The following ZFYVE9 variants were observed in gnomAD, a reference collection of about 807,000 sequenced individuals.
The protein encoded by ZFYVE9 is zinc finger FYVE domain-containing protein 9.
In ZFYVE9, 43 loss-of-function variants were observed where a neutral mutation model predicts 126.7. That is an observed-to-expected ratio of 0.34 (90% CI 0.27 to 0.44). The LOEUF (loss-of-function observed/expected upper bound fraction) is 0.44. Ranked by LOEUF, ZFYVE9 falls within the 20% of genes least tolerant of loss-of-function variation. The pLI is 1.00. For synonymous variants in ZFYVE9, 521 were observed against 597.4 expected (o/e 0.87, Z 1.87); for missense variants, 1,476 against 1,697.0 (o/e 0.87, Z 2.29).
chr1:52,254,954 T>C (rs1645489602), intron 4 of ZFYVE9, among the ~76,000 whole-genome samples: 1 of 151,854 alleles, frequency 6.6e-6, no homozygotes, highest in Non-Finnish European at 1.5e-5. Context: ...TAGCTGGATA[T>C]GGTAGGGCAT....
chr1:52,311,784 T>A (rs1321618699), intron 13 of ZFYVE9, among the ~76,000 whole-genome samples: 1 of 152,090 alleles, frequency 6.6e-6, no homozygotes, highest in African/African-American at 2.4e-5. Context: ...GGTTAATTTT[T>A]ATTTTTATTT....
At chr1:52,271,290 A>C (rs997796954) in intron 7 of ZFYVE9, among the ~76,000 whole-genome samples, 1 of 152,150 alleles carries the variant, frequency 6.6e-6, no homozygotes, top group Non-Finnish European at 1.5e-5. Flanking sequence ...GCAACACTCT[A>C]ATATTTATGT....
At chr1:52,343,218 G>C (rs1357913253) in intron 17 of ZFYVE9, among the ~76,000 whole-genome samples, 1 of 151,816 alleles carries the variant, frequency 6.6e-6, no homozygotes, top group Admixed American at 6.6e-5. Flanking sequence ...CACCGTGCCC[G>C]GCCGAGACAA....
chr1:52,184,211 T>TTATATATATA (rs1235083291), intron 1 of ZFYVE9, among the ~76,000 whole-genome samples: 3 of 143,352 alleles, frequency 2.1e-5, no homozygotes, highest in African/African-American at 7.9e-5. Flanking sequence ...ATATATATAT[T>TTATATATATA]TATATATATA....
At chr1:52,211,720 G>C (rs1051628022) in intron 1 of ZFYVE9, among the ~76,000 whole-genome samples, 9 of 152,172 alleles carry the variant, frequency 5.9e-5, no homozygotes, top group Non-Finnish European at 1.0e-4. Flanking sequence ...GTCAGATACT[G>C]AATTTGTTTA....
intron 4 of ZFYVE9, among the ~76,000 whole-genome samples, chr1:52,251,309 A>G (rs1259840597): frequency 6.6e-6 from 1 of 152,130 alleles, no homozygotes; most frequent in Non-Finnish European, 1.5e-5. Context: ...TTACCAGTGC[A>G]TATGATGTTG....
At chr1:52,232,997 A>T (rs911019768) in intron 2 of ZFYVE9, among the ~76,000 whole-genome samples, 174 bp from the exon 3 acceptor site, 3 of 152,096 alleles carry the variant, frequency 2.0e-5, no homozygotes, top group African/African-American at 7.2e-5. Flanking sequence ...GTCAGCTTAC[A>T]GGTTTTTAGA....
At chr1:52,228,008 T>C (rs1005321282) in intron 2 of ZFYVE9, among the ~76,000 whole-genome samples, 2 of 152,220 alleles carry the variant, frequency 1.3e-5, no homozygotes, top group East Asian at 3.8e-4. Context: ...GTTTATGGCA[T>C]CTGTGTATTT....
chr1:52,266,621 C>G lies in ZFYVE9; in HGVS notation c.2279-34C>G, dbSNP rs886393445. The G allele has an allele frequency of 2.6e-6, 4 of 1,526,506 alleles. No homozygotes were observed. In the African/African-American group the frequency reaches 5.6e-5, roughly 21 times the overall value. 94.6% of individuals were successfully genotyped at this position (1,526,506 alleles called of 1,614,324 possible). On this transcript the variant is annotated intron_variant, in intron 5 of 18. Transcript: ENST00000287727. ...GGTCTTGATGTCCATATTTTGCAAT[C>G]CATTCACATTGATTGTGTCTGTATT...
chr1:52,254,065 A>G, intron 4 of ZFYVE9: 1 of 769,034 alleles, frequency 1.3e-6, no homozygotes, highest in Non-Finnish European at 2.3e-6. Context: ...TCAAAATGGA[A>G]AAGACACCCA....
intron 4 of ZFYVE9, among the ~76,000 whole-genome samples, chr1:52,251,408 A>G (rs1645445239): frequency 6.6e-6 from 1 of 152,046 alleles, no homozygotes; most frequent in African/African-American, 2.4e-5. Context: ...TAAATCATGA[A>G]AGAGTGTTGA....
chr1:52,181,758 G>A (rs1274534641), intron 1 of ZFYVE9, among the ~76,000 whole-genome samples: 1 of 151,142 alleles, frequency 6.6e-6, no homozygotes, highest in African/African-American at 2.4e-5. Flanking sequence ...TGTGAGGAGC[G>A]CCTCTGCCTG....
At chr1:52,231,295 A>G (rs1336256153) in intron 2 of ZFYVE9, among the ~76,000 whole-genome samples, 1 of 152,164 alleles carries the variant, frequency 6.6e-6, no homozygotes, top group Admixed American at 6.5e-5. Context: ...AGGTGGGCAG[A>G]TCACTTGAGG....
chr1:52,299,391 T>G (rs747830391), intron 12 of ZFYVE9, among the ~76,000 whole-genome samples: 2 of 152,220 alleles, frequency 1.3e-5, no homozygotes, highest in Admixed American at 6.5e-5. Flanking sequence ...CCAGTTTGGA[T>G]GCCTTTTATT....
intron 2 of ZFYVE9, among the ~76,000 whole-genome samples, chr1:52,227,474 A>G (rs893441241): frequency 8.5e-5 from 13 of 152,246 alleles, no homozygotes; most frequent in Admixed American, 3.3e-4. Context: ...TCACAGTCCA[A>G]TCAGCCTTTG....
intron 12 of ZFYVE9, among the ~76,000 whole-genome samples, chr1:52,297,009 G>A (rs1317495756): frequency 6.6e-6 from 1 of 152,060 alleles, no homozygotes; most frequent in Non-Finnish European, 1.5e-5. Flanking sequence ...GTTTTGCTAT[G>A]TTGGCCAGAC....
intron 1 of ZFYVE9, among the ~76,000 whole-genome samples, chr1:52,164,324 C>T (rs986142004): frequency 2.6e-5 from 4 of 152,108 alleles, no homozygotes; most frequent in African/African-American, 9.7e-5. Flanking sequence ...AGTGATTCTC[C>T]TGCCTCAGCT....
chr1:52,277,125 A>T (rs562417525), intron 8 of ZFYVE9, among the ~76,000 whole-genome samples: 4 of 152,340 alleles, frequency 2.6e-5, no homozygotes, highest in African/African-American at 9.6e-5. Context: ...TTATTTTAAT[A>T]AATCTTAGAT....
intron 1 of ZFYVE9, among the ~76,000 whole-genome samples, chr1:52,205,067 ATTTTTTTT>A (rs891218048): frequency 1.2e-4 from 14 of 117,758 alleles, no homozygotes; most frequent in African/African-American, 4.5e-4. Context: ...TGTGCTGTGA[ATTTTTTTT>A]TTTTTTTTTT....
Sources: gnomAD v4.1 joint callset for allele counts (sites outside exome capture counted in the v4.1 genomes callset) on GRCh38, gnomAD v4.1.1 for gene constraint, MANE v1.5 for transcripts, NCBI Gene and HGNC (gene_info 2026-07-23, HGNC 2026-07-21) for gene names.